The following CDHR4 variants were observed in gnomAD, a reference collection of about 807,000 sequenced individuals.
CDHR4 encodes the protein cadherin-related family member 4.
CDHR4 carries 89 observed loss-of-function variants against 88.4 expected under a neutral mutation model. The observed-to-expected ratio is 1.01, with a 90% CI of 0.85 to 1.20. CDHR4 has a LOEUF of 1.20. Among genes scored for constraint, CDHR4 ranks in the 50% most tolerant of loss-of-function variants. The probability of loss-of-function intolerance (pLI) is 0.00; values close to 1 mark genes in which losing one functional copy is unlikely to be tolerated. For synonymous variants in CDHR4, 368 were observed against 399.2 expected (o/e 0.92, Z 0.93); for missense variants, 914 against 1,007.2 (o/e 0.91, Z 1.25).
chr3:49,799,395 T>C lies in CDHR4; in HGVS notation c.92A>G (p.Gln31Arg). The stretch of plus-strand genomic sequence containing the variant: ...AAACTGAAGGACTGTGCCAGGGCCC[T>C]GGCTCTCAGAGACATTTATAAAGCA... The part of the protein sequence containing the change: ...LPCFINVSES[Q>R]GPGTVLQFLS... The change falls in exon 2 of 19, where the codon CAG becomes CGG. Residue 31 changes from glutamine to arginine, a missense_variant. Transcript: ENST00000412678. 6.2e-7 allele frequency: 1 copy of C among 1,609,274 alleles called. No homozygotes were observed.
upstream of CDHR4, among the ~76,000 whole-genome samples, chr3:49,801,512 G>A (rs559524007): frequency 6.6e-6 from 1 of 152,306 alleles, no homozygotes; most frequent in South Asian, 2.1e-4. Flanking sequence ...GAAGTCCAGA[G>A]TCATACACCT....
At position 49,799,331 on chromosome 3, in the gene CDHR4, G is replaced by C; in HGVS notation, c.156C>G (p.Thr52=). 6.2e-7 allele frequency: 1 copy of C among 1,613,908 alleles called. No homozygotes were observed. The highest frequency in any genetic ancestry group is 8.5e-7 in the Non-Finnish European group (1 of 1,179,868). The stretch of plus-strand genomic sequence containing the variant: ...GTGGCTGGACATTGAGCAACTCCAG[G>C]GTGGGTGTGGGCGTGTAGGAGGAGC... The part of the protein sequence containing the change: ...FNCSSYTPTP[T]LELLNVQPPT... Residue 52 remains threonine (T), a synonymous_variant, in exon 2 of 19, where the codon ACC becomes ACG. Coordinates refer to ENST00000412678, the MANE Select transcript of CDHR4 (RefSeq NM_001007540.4).
At chr3:49,793,561 C>T in intron 12 of CDHR4, 22 bp downstream of exon 12, 2 of 1,550,698 alleles carry the variant, frequency 1.3e-6, no homozygotes, top group Admixed American at 3.9e-5. Flanking sequence ...TATTTATTTC[C>T]AAAGCCTTAG....
chr3:49,793,565 G>A lies in CDHR4; in HGVS notation c.1623+18C>T, dbSNP rs2081216214. ...GTCTTTCCAAGTATTTATTTCCAAA[G>A]CCTTAGGACGCAATTACCTCAACCT... On this transcript the variant is annotated intron_variant, in intron 12 of 18. Transcript: ENST00000412678. 1 of 1,551,454 alleles carries A rather than the reference G, an allele frequency of 6.4e-7. No individual in the cohort carries two copies. The highest frequency in any genetic ancestry group is 8.7e-7 in the Non-Finnish European group (1 of 1,146,852).
rs554807015 is a variant in CDHR4, at chr3:49,790,888, C to G, written c.2312-1G>C. 1.5e-5 allele frequency: 23 copies of G among 1,550,746 alleles called. No homozygotes were observed. In the African/African-American group the frequency reaches 3.0e-4, roughly 20 times the overall value. On this transcript the variant is annotated splice_acceptor_variant, in intron 18 of 18. Coordinates refer to ENST00000412678, the MANE Select transcript of CDHR4 (RefSeq NM_001007540.4). LOFTEE classifies it high-confidence loss of function. Reference sequence around the variant, plus strand: ...TTAAACAGGTAGTCTCTTCCGGTACCTAAAACCGGTAGGAGAGAGAGGAGA... The same window carrying G: ...TTAAACAGGTAGTCTCTTCCGGTACGTAAAACCGGTAGGAGAGAGAGGAGA...
chr3:49,793,642 G>GGCC lies in CDHR4; in HGVS notation c.1561_1563dup (p.Gly521dup). ...AGGTGATGGTTGGGGTTCTGGTCTT[G>GGCC]GCCATGGTCAATCACAAGGACAGTG... is the stretch of plus-strand genomic sequence containing the variant. On this transcript the variant is annotated inframe_insertion, in exon 12 of 19. Transcript: ENST00000412678. 6.4e-7 allele frequency: 1 copy of GGCC among 1,551,774 alleles called. No individual in the cohort carries two copies.
At chr3:49,791,184 C>T (rs1011683936) in intron 18 of CDHR4, among the ~76,000 whole-genome samples, 8 of 152,186 alleles carry the variant, frequency 5.3e-5, no homozygotes, top group African/African-American at 1.9e-4. Flanking sequence ...GGAGGCCTCT[C>T]CCCTCACCAT....
Position 49,798,824 on chromosome 3 carries a change from A to G in CDHR4, c.495+2T>C. On this transcript the variant is annotated splice_donor_variant, in intron 4 of 18. Transcript: ENST00000412678. LOFTEE classifies it high-confidence loss of function. ...ACCCACCGTCCCATGTTCTGGGCTTACCTGCGCTCCGTGGAGTTCTAGGCC... is the reference window on the plus strand; with the variant it reads ...ACCCACCGTCCCATGTTCTGGGCTTGCCTGCGCTCCGTGGAGTTCTAGGCC... The G allele has an allele frequency of 6.2e-7, 1 of 1,613,474 alleles. No individual in the cohort carries two copies. Among genetic ancestry groups the G allele is most frequent in the Non-Finnish European group, 8.5e-7 (1 of 1,179,702 alleles).
At position 49,795,764 on chromosome 3, in the gene CDHR4, G is replaced by A. The variant is rs762644334; in HGVS notation, c.711C>T (p.Leu237=). 17 of 1,551,550 alleles carry A rather than the reference G, an allele frequency of 1.1e-5. No homozygotes were observed. The highest frequency in any genetic ancestry group is 5.9e-5 in the South Asian group (5 of 84,058). ...GGATGGTGATATTCTGAGCCTGCTC[G>A]CTGGACCAAAAGGGGGGCACTGGTT... is the stretch of plus-strand genomic sequence containing the variant. The part of the protein sequence containing the change: ...LPVPSSQVSF[L]EQAQNITIPE... Residue 237 remains leucine, a splice_region_variant and synonymous_variant, in exon 7 of 19, where the codon CTC becomes CTT. Transcript: ENST00000412678. This position sits in a 1 kb window ranked among gnomAD's most constrained non-coding sequence, Gnocchi z 5.4.
intron 10 of CDHR4, 51 bp from the exon 11 acceptor site, chr3:49,794,057 A>C: frequency 6.6e-7 from 1 of 1,523,448 alleles, no homozygotes; most frequent in East Asian, 2.5e-5. Flanking sequence ...CTATCCCTGA[A>C]CTGGGGGTCT....
intron 10 of CDHR4, 131 bp from the exon 11 acceptor site, chr3:49,794,137 G>A: frequency 5.8e-6 from 5 of 862,644 alleles, no homozygotes; most frequent in South Asian, 1.7e-5. Context: ...GGTGGCTCAC[G>A]CCTGTAATCC....
Position 49,796,963 on chromosome 3 carries a change from G to A in CDHR4, c.565C>T (p.Leu189=). Residue 189 remains leucine (L), a synonymous_variant, in exon 5 of 19, where the codon CTG becomes TTG. Coordinates refer to ENST00000412678, the MANE Select transcript of CDHR4 (RefSeq NM_001007540.4). Reference sequence around the variant, plus strand: ...AGGAGGCCCTGGGATGGTGCCTGCAGCCAACCTTGCTCATTGATGGAGAAA... The same window carrying A: ...AGGAGGCCCTGGGATGGTGCCTGCAACCAACCTTGCTCATTGATGGAGAAA... ...GPFSINEQGW[L]QAPSQGLLGQ... is the part of the protein sequence containing the mutation. The A allele has an allele frequency of 6.4e-7, 1 of 1,551,714 alleles. No individual in the cohort carries two copies. The highest frequency in any genetic ancestry group is 1.2e-5 in the South Asian group (1 of 84,068).
At chr3:49,796,134 T>G (rs2081268466) in intron 5 of CDHR4, 88 bp from the exon 6 acceptor site, 1 of 823,282 alleles carries the variant, frequency 1.2e-6, no homozygotes, top group Admixed American at 3.3e-5. Context: ...ATAGGCAACC[T>G]CACTTAGGAT....
intron 5 of CDHR4, among the ~76,000 whole-genome samples, chr3:49,796,434 T>C (rs1379054835): frequency 6.6e-6 from 1 of 152,112 alleles, no homozygotes; most frequent in Non-Finnish European, 1.5e-5. Flanking sequence ...CCCCCTGGGT[T>C]CAAGCAATTC....
chr3:49,796,077 AG>A, intron 5 of CDHR4, 31 bp from the exon 6 acceptor site: 1 of 1,452,172 alleles, frequency 6.9e-7, no homozygotes. Flanking sequence ...AAAAGGAGCC[AG>A]ATTGTGTGTG....
chr3:49,792,366 T>A, intron 15 of CDHR4, 102 bp downstream of exon 15: 1 of 1,411,746 alleles, frequency 7.1e-7, no homozygotes, highest in South Asian at 1.4e-5. Flanking sequence ...GTCACCCACC[T>A]ACTTGGGCAT....
chr3:49,801,145 C>T (rs1375518245), upstream of CDHR4, among the ~76,000 whole-genome samples: 1 of 152,164 alleles, frequency 6.6e-6, no homozygotes, highest in Non-Finnish European at 1.5e-5. Context: ...GCTTGTCCCT[C>T]TCTACACAAA....
At chr3:49,802,521 A>C (rs2081375289), upstream of CDHR4, among the ~76,000 whole-genome samples, 1 of 152,092 alleles carries the variant, frequency 6.6e-6, no homozygotes, top group Non-Finnish European at 1.5e-5. Context: ...CTCCTGTGAG[A>C]CTGACTTTCC....
At chr3:49,801,057 A>C (rs904348636), upstream of CDHR4, among the ~76,000 whole-genome samples, 9 of 152,028 alleles carry the variant, frequency 5.9e-5, no homozygotes, top group Admixed American at 5.2e-4. Flanking sequence ...GTCTCAAAAA[A>C]AAAAACAAAA....
Sources: allele counts gnomAD v4.1 joint callset (sites outside exome capture counted in the v4.1 genomes callset), GRCh38; gene constraint gnomAD v4.1.1; non-coding constraint Gnocchi (gnomAD v3.1); transcripts MANE v1.5; gene names NCBI Gene and HGNC (gene_info 2026-07-23, HGNC 2026-07-21).